Variants in FARP1 observed in about 807,000 individuals in gnomAD.
The protein encoded by FARP1 is FERM, ARH/RhoGEF and pleckstrin domain protein 1.
A neutral mutation model predicts 128.8 loss-of-function variants in FARP1; 52 were observed. The ratio of observed to expected loss-of-function variants is 0.40; its 90% CI spans 0.32 to 0.51. The LOEUF is 0.51. FARP1 is among the 20% of genes least tolerant of loss of function. The probability of loss-of-function intolerance (pLI) is 0.45; values close to 1 mark genes in which losing one functional copy is unlikely to be tolerated. For missense variants in FARP1, 1,333 were observed against 1,367.9 expected, an observed-to-expected ratio of 0.97 and a Z score of 0.40; for synonymous variants, 580 against 551.8, an observed-to-expected ratio of 1.05 and a Z score of -0.72.
chr13:98,257,990 T>C (rs1285800855), intron 2 of FARP1, among the ~76,000 whole-genome samples: 4 of 152,184 alleles, frequency 2.6e-5, no homozygotes, highest in Admixed American at 6.5e-5. Context: ...AATTTTTTTT[T>C]TGAGATGGAG....
Position 98,431,043 on chromosome 13 carries a change from C to G in FARP1, c.1906C>G (p.His636Asp). ...VMLKNIQGMK[H>D]LAAHLWKHSE... ...CCCTCCTCCTCTGTTGCCTCCCAAG[C>G]ACCTGGCGGCTCACCTGTGGAAGCA... The change falls in exon 18 of 27, where the codon CAC becomes GAC. Residue 636 changes from histidine (H) to aspartate (D), a missense_variant and splice_region_variant. Physicochemically the swap from His to Asp is moderately conservative, Grantham distance 81. Coordinates refer to ENST00000319562, the MANE Select transcript of FARP1 (RefSeq NM_005766.4). 6.2e-7 allele frequency: 1 copy of G among 1,609,788 alleles called. No individual in the cohort carries two copies. The highest frequency in any genetic ancestry group is 2.2e-5 in the East Asian group (1 of 44,858).
At chr13:98,302,739 T>A (rs890092338) in intron 2 of FARP1, among the ~76,000 whole-genome samples, 4 of 152,158 alleles carry the variant, frequency 2.6e-5, no homozygotes, top group African/African-American at 9.7e-5. Context: ...GAGATTGAGG[T>A]CGATGAGGTA....
In FARP1 at chr13:98,446,097, G is replaced by C. The variant is rs779011277; in HGVS notation, c.2797-1G>C. ...TTCTCACAGGCCTCCTTGCCTTTCA[G>C]AATCAGTTGTCTGGAAACCTGCTGA... On this transcript the variant is annotated splice_acceptor_variant, in intron 24 of 26. Coordinates refer to ENST00000319562, the MANE Select transcript of FARP1 (RefSeq NM_005766.4). LOFTEE classifies it high-confidence loss of function. 6.2e-6 allele frequency: 10 copies of C among 1,611,086 alleles called. No homozygotes were observed. Among genetic ancestry groups the C allele is most frequent in the South Asian group, 1.1e-5 (1 of 90,986 alleles).
At chr13:98,260,586 T>G (rs1469166759) in intron 2 of FARP1, among the ~76,000 whole-genome samples, 1 of 152,240 alleles carries the variant, frequency 6.6e-6, no homozygotes, top group Non-Finnish European at 1.5e-5. Context: ...CAAATCCAGC[T>G]GGCCCACGAG....
intron 2 of FARP1, among the ~76,000 whole-genome samples, chr13:98,296,307 G>A (rs1885684741): frequency 2.0e-5 from 3 of 151,950 alleles, no homozygotes. Context: ...CCGATTGCAG[G>A]TACACCTTGC....
rs1485806761 is a variant in FARP1, at chr13:98,390,121, G to A, written c.1019+1G>A. On this transcript the variant is annotated splice_donor_variant, in intron 10 of 26. Transcript: ENST00000319562. LOFTEE classifies it high-confidence loss of function. ...GCCGGGGGTCATCATTTCGGTTCAG[G>A]TGAGGTCGCCACTTTGTGCCTCTGT... is the stretch of plus-strand genomic sequence containing the variant. 1 of 1,612,678 alleles carries A rather than the reference G, an allele frequency of 6.2e-7. No individual in the cohort carries two copies. Among genetic ancestry groups the A allele is most frequent in the South Asian group, 1.1e-5 (1 of 90,778 alleles).
chr13:98,406,239 G>A (rs1890966670), intron 13 of FARP1: 1 of 152,206 alleles, frequency 6.6e-6, no homozygotes, highest in Non-Finnish European at 1.5e-5. Flanking sequence ...ATTAATTGCT[G>A]AAAGGTAAAT....
At chr13:98,271,390 C>CAT (rs898486271) in intron 2 of FARP1, among the ~76,000 whole-genome samples, 14 of 152,188 alleles carry the variant, frequency 9.2e-5, no homozygotes, top group Admixed American at 3.9e-4. Context: ...GACAAGTATA[C>CAT]ATATATATAT....
chr13:98,263,872 C>G (rs1415071314), intron 2 of FARP1, among the ~76,000 whole-genome samples: 1 of 152,136 alleles, frequency 6.6e-6, no homozygotes, highest in African/African-American at 2.4e-5. Flanking sequence ...CCCCCAACAA[C>G]ATTTTATTAG....
chr13:98,448,175 AC>A lies in FARP1; in HGVS notation c.3057-59del, dbSNP rs563965295. ...CCTTGTGTTTCTGTAAGCGATGCCC[AC>A]CAAAGTGTCAGGAGTCCGTCCAAAC... On this transcript the variant is annotated intron_variant, in intron 26 of 26. Coordinates refer to ENST00000319562, the MANE Select transcript of FARP1 (RefSeq NM_005766.4). The A allele has an allele frequency of 3.6e-4, 515 of 1,415,734 alleles. No homozygotes were observed. The African/African-American group carries it at 4.6e-3, about 13-fold the overall frequency. The allele number at this position is 1,415,734 out of a possible 1,614,324, so 87.7% of individuals were successfully genotyped here.
At chr13:98,392,362 T>C in intron 11 of FARP1, among the ~76,000 whole-genome samples, 1 of 138,894 alleles carries the variant, frequency 7.2e-6, no homozygotes, top group East Asian at 2.1e-4. Flanking sequence ...TAGCTGGATG[T>C]GGTGGTGCAT....
chr13:98,348,969 T>C (rs609993), intron 3 of FARP1, among the ~76,000 whole-genome samples: 78,973 of 152,080 alleles, frequency 0.52, 20,973 homozygotes, highest in African/African-American at 0.62. Flanking sequence ...CTCTCTTAGC[T>C]AAAGCTCATG....
intron 16 of FARP1, among the ~76,000 whole-genome samples, chr13:98,417,162 G>A (rs574064028): frequency 1.7e-4 from 26 of 152,238 alleles, no homozygotes; most frequent in South Asian, 8.3e-4. Context: ...ATACAAGTAC[G>A]ATAAGGGAAG....
chr13:98,176,098 G>A lies in FARP1; in HGVS notation c.-24+32606G>A. On this transcript the variant is annotated intron_variant, in intron 1 of 26. Coordinates refer to ENST00000319562, the MANE Select transcript of FARP1 (RefSeq NM_005766.4). The surrounding 1 kb of genome is among the most constrained non-coding windows in gnomAD (Gnocchi z 6.2). ...TCAGGCATGGGATTGCAGGAAGACT[G>A]TCATCTCTCTCATCTTACTCAACAG... 7.2e-7 allele frequency: 1 copy of A among 1,380,954 alleles called. No homozygotes were observed. Among genetic ancestry groups the A allele is most frequent in the Non-Finnish European group, 1.0e-6 (1 of 978,310 alleles). 85.5% of individuals were successfully genotyped at this position (1,380,954 alleles called of 1,614,324 possible). A position where few individuals can be genotyped will look rare whatever the true frequency, so the allele number is the denominator to read the frequency against.
intron 1 of FARP1, among the ~76,000 whole-genome samples, chr13:98,181,607 T>A (rs1878519058): frequency 1.2e-5 from 1 of 84,954 alleles, no homozygotes; most frequent in South Asian, 4.0e-4. Flanking sequence ...ATTATTTATT[T>A]ATTTATTTAT....
chr13:98,310,695 T>G (rs1594386146), intron 2 of FARP1, among the ~76,000 whole-genome samples: 1 of 152,010 alleles, frequency 6.6e-6, no homozygotes, highest in Non-Finnish European at 1.5e-5. Flanking sequence ...TGGGTGGTGG[T>G]GGGTGGTGTG....
At chr13:98,369,634 C>G (rs564361235) in intron 5 of FARP1, among the ~76,000 whole-genome samples, 4 of 151,852 alleles carry the variant, frequency 2.6e-5, no homozygotes, top group Non-Finnish European at 5.9e-5. Context: ...TTTGTCCTTG[C>G]GATAGTTTAC....
chr13:98,372,086 T>TTTC (rs1889359948), intron 5 of FARP1, among the ~76,000 whole-genome samples: 2 of 141,696 alleles, frequency 1.4e-5, no homozygotes, highest in South Asian at 2.4e-4. Context: ...TTTTTCTTTT[T>TTTC]TTTTTTTTTT....
Position 98,373,533 on chromosome 13 carries a change from GACACACACACACACACACACAC to G in FARP1, c.399-4260_399-4239del, listed in dbSNP as rs58658962. On this transcript the variant is annotated intron_variant, in intron 5 of 26. Coordinates refer to ENST00000319562, the MANE Select transcript of FARP1 (RefSeq NM_005766.4). ...TTGACTTTCCAGAGACAGACAGACAGACACACACACACACACACACACACACACACACACACACACACACACA... is the reference window on the plus strand; with the variant it reads ...TTGACTTTCCAGAGACAGACAGACAGACACACACACACACACACACACACA... 3.8e-5 allele frequency among the ~76,000 whole-genome samples: 5 copies of G among 131,070 alleles called. No homozygotes were observed. The South Asian group carries it at 8.1e-4, about 21-fold the overall frequency. The allele number at this position is 131,070 out of a possible 152,430, so 86.0% of individuals were successfully genotyped here. A position where few individuals can be genotyped will look rare whatever the true frequency, so the allele number is the denominator to read the frequency against.
Sources: allele counts gnomAD v4.1 joint callset (sites outside exome capture counted in the v4.1 genomes callset), GRCh38; gene constraint gnomAD v4.1.1; non-coding constraint Gnocchi (gnomAD v3.1); transcripts MANE v1.5; gene names NCBI Gene and HGNC (gene_info 2026-07-23, HGNC 2026-07-21).